The following LDLRAD3 variants were observed in gnomAD, a reference collection of about 807,000 sequenced individuals.
The protein encoded by LDLRAD3 is low-density lipoprotein receptor class A domain-containing protein 3.
A neutral mutation model predicts 29.4 loss-of-function variants in LDLRAD3; 20 were observed. The observed-to-expected ratio is 0.68, with a 90% CI of 0.48 to 0.99. The LOEUF (loss-of-function observed/expected upper bound fraction) is 0.99. Ranked by LOEUF, LDLRAD3 falls within the 50% of genes least tolerant of loss-of-function variation. LDLRAD3 has a pLI of 0.00. For missense variants in LDLRAD3, 420 were observed against 454.3 expected, an observed-to-expected ratio of 0.92 and a Z score of 0.69; for synonymous variants, 157 against 192.7, an observed-to-expected ratio of 0.81 and a Z score of 1.53.
chr11:36,069,114 T>C (rs1356767594), intron 2 of LDLRAD3, among the ~76,000 whole-genome samples: 1 of 152,232 alleles, frequency 6.6e-6, no homozygotes, highest in Non-Finnish European at 1.5e-5. Flanking sequence ...CCAGTAGTCA[T>C]GTGGAGCTGA....
intron 1 of LDLRAD3, among the ~76,000 whole-genome samples, chr11:35,964,837 A>C (rs1851318963): frequency 6.6e-6 from 1 of 152,074 alleles, no homozygotes; most frequent in Admixed American, 6.6e-5. Flanking sequence ...AAAATACAAA[A>C]ATTAGGTTGG....
At chr11:36,207,557 G>T (rs1392489219) in intron 4 of LDLRAD3, among the ~76,000 whole-genome samples, 1 of 152,274 alleles carries the variant, frequency 6.6e-6, no homozygotes, top group East Asian at 1.9e-4. Flanking sequence ...GGCTGAGGCA[G>T]GAGGATCACC....
At chr11:36,154,540 G>A (rs57412870) in intron 4 of LDLRAD3, among the ~76,000 whole-genome samples, 25,631 of 152,126 alleles carry the variant, frequency 0.17, 2,487 homozygotes, top group Admixed American at 0.29. Flanking sequence ...TAGAGAAGTC[G>A]TAGGGAAAAG....
intron 4 of LDLRAD3, among the ~76,000 whole-genome samples, chr11:36,126,774 G>C (rs185165387): frequency 6.6e-6 from 1 of 152,210 alleles, no homozygotes; most frequent in Non-Finnish European, 1.5e-5. Context: ...TTTAATTTCT[G>C]TTGAAAGGAA....
chr11:36,058,306 C>T (rs1467988083), intron 2 of LDLRAD3, among the ~76,000 whole-genome samples: 1 of 152,162 alleles, frequency 6.6e-6, no homozygotes, highest in African/African-American at 2.4e-5. Context: ...CACACCACTT[C>T]CCCCAGAAGC....
chr11:36,095,753 T>G (rs1375702907), intron 3 of LDLRAD3, among the ~76,000 whole-genome samples: 3 of 152,176 alleles, frequency 2.0e-5, no homozygotes. Flanking sequence ...GCTTTCCCCA[T>G]CAGGACGTTT....
chr11:36,031,832 A>C (rs1852239366), intron 1 of LDLRAD3, among the ~76,000 whole-genome samples: 1 of 152,236 alleles, frequency 6.6e-6, no homozygotes, highest in Non-Finnish European at 1.5e-5. Context: ...TTGGTGCAGA[A>C]GTAATTGCCT....
intron 4 of LDLRAD3, among the ~76,000 whole-genome samples, chr11:36,191,574 C>CTATATATA (rs1242651513): frequency 4.3e-4 from 29 of 67,804 alleles, no homozygotes; most frequent in East Asian, 8.6e-4. Context: ...CTCTCTCTCT[C>CTATATATA]TCTATATATA....
intron 4 of LDLRAD3, among the ~76,000 whole-genome samples, chr11:36,150,240 T>C (rs1031722787): frequency 3.9e-4 from 59 of 152,296 alleles, no homozygotes; most frequent in African/African-American, 1.4e-3. Context: ...AAAGATTCCC[T>C]GTTGAAGGCA....
chr11:36,064,406 C>T (rs1328606296), intron 2 of LDLRAD3, among the ~76,000 whole-genome samples: 2 of 151,986 alleles, frequency 1.3e-5, no homozygotes, highest in South Asian at 4.2e-4. Context: ...ACCTCCCAGG[C>T]TCAAGTGATA....
At chr11:36,103,415 T>C (rs1565224698) in intron 4 of LDLRAD3, among the ~76,000 whole-genome samples, 1 of 151,916 alleles carries the variant, frequency 6.6e-6, no homozygotes, top group Admixed American at 6.6e-5. Flanking sequence ...TTTTTTTGTA[T>C]TTTTTAGTAG....
chr11:35,950,145 C>T (rs545937351), intron 1 of LDLRAD3, among the ~76,000 whole-genome samples: 9 of 151,852 alleles, frequency 5.9e-5, no homozygotes, highest in South Asian at 2.1e-4. Context: ...TGACCTTCTT[C>T]GTTATCTGGG....
At chr11:36,057,824 A>G (rs1366210203) in intron 2 of LDLRAD3, among the ~76,000 whole-genome samples, 1 of 152,218 alleles carries the variant, frequency 6.6e-6, no homozygotes, top group East Asian at 1.9e-4. Flanking sequence ...GAAACCACAC[A>G]TTTGCGTCAC....
chr11:36,026,249 T>G (rs770137277), intron 1 of LDLRAD3, among the ~76,000 whole-genome samples: 7 of 152,250 alleles, frequency 4.6e-5, no homozygotes, highest in Admixed American at 4.6e-4. Flanking sequence ...GTTCATTTAA[T>G]TGAAGCTCTG....
chr11:36,170,246 G>GTA (rs557747585), intron 4 of LDLRAD3, among the ~76,000 whole-genome samples: 2,723 of 147,836 alleles, frequency 0.018, 84 homozygotes, highest in African/African-American at 0.063. Context: ...GTATGTGTGT[G>GTA]TATATATATA....
At chr11:36,168,384 A>G (rs922711323) in intron 4 of LDLRAD3, among the ~76,000 whole-genome samples, 1 of 152,174 alleles carries the variant, frequency 6.6e-6, no homozygotes, top group African/African-American at 2.4e-5. Flanking sequence ...TGAGGGTTAG[A>G]CCAACAACGT....
Position 36,171,619 on chromosome 11 carries a change from G to A in LDLRAD3, c.455-55466G>A, listed in dbSNP as rs192964444. On this transcript the variant is annotated intron_variant, in intron 4 of 5. Transcript: ENST00000315571. Reference sequence around the variant, plus strand: ...TATGTTGTTGTTTGCTTTGTCAAAGGTCAGTTGACTGCAAGTATTTGGCTT... The same window carrying A: ...TATGTTGTTGTTTGCTTTGTCAAAGATCAGTTGACTGCAAGTATTTGGCTT... Among the ~76,000 whole-genome samples the A allele has an allele frequency of 4.2e-3, 634 of 152,188 alleles. 2 individuals carry two copies. Among genetic ancestry groups the A allele is most frequent in the Non-Finnish European group, 6.6e-3 (448 of 67,976 alleles).
intron 4 of LDLRAD3, among the ~76,000 whole-genome samples, chr11:36,186,488 T>A (rs991798498): frequency 1.1e-4 from 16 of 152,186 alleles, no homozygotes; most frequent in African/African-American, 3.6e-4. Context: ...CATCCAAAAA[T>A]CTTTTCAGGC....
chr11:35,974,933 C>T (rs917819908), intron 1 of LDLRAD3, among the ~76,000 whole-genome samples: 4 of 152,184 alleles, frequency 2.6e-5, no homozygotes, highest in Non-Finnish European at 5.9e-5. Context: ...GGGTATATAC[C>T]TGCTTCTGTG....
Sources: gnomAD v4.1 joint callset for allele counts (sites outside exome capture counted in the v4.1 genomes callset) on GRCh38, gnomAD v4.1.1 for gene constraint, MANE v1.5 for transcripts, NCBI Gene and HGNC (gene_info 2026-07-23, HGNC 2026-07-21) for gene names.